ATP13A2: variants seen among roughly 807,000 people sequenced by gnomAD.
ATP13A2 encodes ATPase cation transporting 13A2.
In ATP13A2, 83 loss-of-function variants were observed where a neutral mutation model predicts 138.3. The ratio of observed to expected loss-of-function variants is 0.60; its 90% CI spans 0.50 to 0.72. The LOEUF (loss-of-function observed/expected upper bound fraction) is 0.72. ATP13A2 is among the 30% of genes least tolerant of loss of function. The probability of loss-of-function intolerance (pLI) is 0.00; values close to 1 mark genes in which losing one functional copy is unlikely to be tolerated. For synonymous variants in ATP13A2, 663 were observed against 699.0 expected, an observed-to-expected ratio of 0.95 and a Z score of 0.81; for missense variants, 1,402 against 1,606.4, an observed-to-expected ratio of 0.87 and a Z score of 2.17.
rs1227660193 is a variant in ATP13A2, at chr1:16,988,162, G to T, written c.2835C>A (p.Phe945Leu). 6.8e-6 allele frequency: 11 copies of T among 1,614,108 alleles called. No individual in the cohort carries two copies. The highest frequency in any genetic ancestry group is 1.1e-5 in the South Asian group (1 of 91,054). The change falls in exon 25 of 29, where the codon TTC (phenylalanine) becomes TTA (leucine). Residue 945 changes from phenylalanine to leucine, a missense_variant. Phe to Leu is a conservative substitution (Grantham distance 22, BLOSUM62 0). Transcript: ENST00000326735. Reference sequence around the variant, plus strand: ...CCGTGTAGAGGATCAGGACGGAGATGAACTGGGTCAGGCTGTACAGAGCCA... The same window carrying T: ...CCGTGTAGAGGATCAGGACGGAGATTAACTGGGTCAGGCTGTACAGAGCCA... ...KYMALYSLTQ[F>L]ISVLILYTIN...
Position 17,000,061 on chromosome 1 carries a change from T to A in ATP13A2, c.989A>T (p.Asp330Val). 6.2e-7 allele frequency: 1 copy of A among 1,613,132 alleles called. No individual in the cohort carries two copies. The highest frequency in any genetic ancestry group is 8.5e-7 in the Non-Finnish European group (1 of 1,179,782). ...GCACTCGCCGGCCACCAGGGCGGCA[T>A]CACAGGGCATCAGCCCACCCTCCTG... ...LPQEGGLMPC[D>V]AALVAGECMV... Residue 330 changes from aspartate to valine, a missense_variant, in exon 11 of 29, where the codon GAT becomes GTT. By Grantham distance (152) the Asp-to-Val change is radical. Transcript: ENST00000326735.
In ATP13A2 at chr1:16,986,712, C is replaced by T; in HGVS notation, c.3236-80G>A. The T allele has an allele frequency of 1.3e-6, 2 of 1,569,694 alleles. No homozygotes were observed. Among genetic ancestry groups the T allele is most frequent in the South Asian group, 1.1e-5 (1 of 87,476 alleles). ...CACACGTGTGCACGCCAGTCTTCCA[C>T]TCGGCCGGCACCTCTCTCCCATCTG... On this transcript the variant is annotated intron_variant, in intron 27 of 28. Coordinates refer to ENST00000326735, the MANE Select transcript of ATP13A2 (RefSeq NM_022089.4). This position sits in a 1 kb window ranked among gnomAD's most constrained non-coding sequence, Gnocchi z 6.9.
In ATP13A2 at chr1:17,004,398, C is replaced by A. The variant is rs776105309; in HGVS notation, c.491G>T (p.Arg164Leu). Residue 164 changes from arginine to leucine, a missense_variant, in exon 6 of 29, where the codon CGG becomes CTG. By Grantham distance (102) the Arg-to-Leu change is moderately radical (BLOSUM62 -2). Coordinates refer to ENST00000326735, the MANE Select transcript of ATP13A2 (RefSeq NM_022089.4). This position sits in a 1 kb window ranked among gnomAD's most constrained non-coding sequence, Gnocchi z 4.1. ...GCGCTGGCCCTGGAAGAGGTAATAC[C>A]GCAGCACCCGCTTCTGGGTGGGAGA... ...AVSVGQKRVL[R>L]YYLFQGQRYI... is the part of the protein sequence containing the mutation. The A allele has an allele frequency of 5.0e-6, 8 of 1,613,882 alleles. No individual in the cohort carries two copies. The highest frequency in any genetic ancestry group is 5.1e-6 in the Non-Finnish European group (6 of 1,180,010).
rs761490954 is a variant in ATP13A2 at position 16,992,291 on chromosome 1, C to T, written c.1957G>A (p.Val653Ile). ...WPGATQPEAYVKGSPELVAGL... is the reference protein window; with the variant it reads ...WPGATQPEAYIKGSPELVAGL... ...GCCACCAGCTCCGGGGAGCCTTTGA[C>T]GTAGGCCTCGGGCTGAGTGGCCCCT... Residue 653 changes from valine to isoleucine, a missense_variant, in exon 18 of 29, where the codon GTC becomes ATC. Transcript: ENST00000326735. The T allele has an allele frequency of 1.4e-5, 23 of 1,612,474 alleles. No individual in the cohort carries two copies. The highest frequency in any genetic ancestry group is 1.5e-5 in the Non-Finnish European group (18 of 1,179,870).
Position 16,992,310 on chromosome 1 carries a change from G to A in ATP13A2, c.1938C>T (p.Ala646=). The A allele has an allele frequency of 6.2e-7, 1 of 1,612,434 alleles. No homozygotes were observed. The highest frequency in any genetic ancestry group is 8.5e-7 in the Non-Finnish European group (1 of 1,179,760). ...CTTTGACGTAGGCCTCGGGCTGAGT[G>A]GCCCCTGGCCACGCCACCACCACAC... is the stretch of plus-strand genomic sequence containing the variant. ...RMSVVVAWPG[A]TQPEAYVKGS... is the part of the protein sequence containing the mutation. The change falls in exon 18 of 29, where the codon GCC becomes GCT. Residue 646 remains alanine (A), a synonymous_variant. Transcript: ENST00000326735.
Position 16,990,236 on chromosome 1 carries a change from G to A in ATP13A2, c.2303C>T (p.Ala768Val), listed in dbSNP as rs754083353. 1.9e-6 allele frequency: 3 copies of A among 1,613,882 alleles called. No homozygotes were observed. Among genetic ancestry groups the A allele is most frequent in the African/African-American group, 1.3e-5 (1 of 74,930 alleles). Residue 768 changes from alanine to valine, a missense_variant, in exon 21 of 29, where the codon GCC becomes GTC. Ala to Val is a moderately conservative substitution (Grantham distance 64). Coordinates refer to ENST00000326735, the MANE Select transcript of ATP13A2 (RefSeq NM_022089.4). ...GACGATGATCAGATGCTCCTGGGGGGCCACCATGCCACAGCCCCGGGCCAC... is the reference window on the plus strand; with the variant it reads ...GACGATGATCAGATGCTCCTGGGGGACCACCATGCCACAGCCCCGGGCCAC... ...VTVARGCGMVAPQEHLIIVHA... is the reference protein window; with the variant it reads ...VTVARGCGMVVPQEHLIIVHA...
At chr1:17,008,947 G>C (rs1459048941) in intron 1 of ATP13A2, among the ~76,000 whole-genome samples, 1 of 135,646 alleles carries the variant, frequency 7.4e-6, no homozygotes, top group Non-Finnish European at 1.5e-5. Flanking sequence ...CAGGGTGACA[G>C]AGCAAGACTC....
At position 16,990,284 on chromosome 1, in the gene ATP13A2, T is replaced by C; in HGVS notation, c.2255A>G (p.Asp752Gly). ...TRIRAVMVTGDNLQTAVTVAR... is the reference protein window; with the variant it reads ...TRIRAVMVTGGNLQTAVTVAR... ...CACAGTCACCGCTGTCTGCAGGTTG[T>C]CCCCTGGGGGTTATGGGGCAAGGTG... Residue 752 changes from aspartate to glycine, a missense_variant, in exon 21 of 29, where the codon GAC becomes GGC. Transcript: ENST00000326735. 6.2e-7 allele frequency: 1 copy of C among 1,613,898 alleles called. No homozygotes were observed. The highest frequency in any genetic ancestry group is 8.5e-7 in the Non-Finnish European group (1 of 1,180,004).
chr1:16,993,878 G>T, intron 15 of ATP13A2, 43 bp from the exon 16 acceptor site: 2 of 1,474,500 alleles, frequency 1.4e-6, no homozygotes, highest in South Asian at 1.3e-5. Flanking sequence ...GTCCTGGGAT[G>T]GGGGTACCCT....
In ATP13A2 at chr1:16,987,061, G is replaced by A. The variant is rs951420437; in HGVS notation, c.3068C>T (p.Thr1023Ile). 2 of 1,613,452 alleles carry A rather than the reference G, an allele frequency of 1.2e-6. No homozygotes were observed. The highest frequency in any genetic ancestry group is 1.7e-6 in the Non-Finnish European group (2 of 1,179,968). ...CCCTACTCACCATGGCTGGGCCAGG[G>A]TCAGGAAGTAGCCCCCTAGCTGCAC... ...TGVQLGGYFL[T>I]LAQPWFVPLN... Residue 1023 changes from threonine to isoleucine, a missense_variant, in exon 26 of 29, where the codon ACC (threonine) becomes ATC (isoleucine). Thr to Ile is a moderately conservative substitution (Grantham distance 89). Transcript: ENST00000326735.
chr1:17,011,775 C>A lies in ATP13A2; in HGVS notation c.-37G>T. 1.4e-6 allele frequency: 2 copies of A among 1,411,766 alleles called. No individual in the cohort carries two copies. The highest frequency in any genetic ancestry group is 1.8e-6 in the Non-Finnish European group (2 of 1,082,538). The allele number at this position is 1,411,766 out of a possible 1,614,324, so 87.5% of individuals were successfully genotyped here. On this transcript the variant is annotated 5_prime_UTR_variant, in exon 1 of 29. Coordinates refer to ENST00000326735, the MANE Select transcript of ATP13A2 (RefSeq NM_022089.4). This position sits in a 1 kb window ranked among gnomAD's most constrained non-coding sequence, Gnocchi z 7.3. ...GCGCTCATCGCCGGCCCCGGCGCTG[C>A]GGCCCTCGGCCTGGGCCCCGGCGTG... is the stretch of plus-strand genomic sequence containing the variant.
chr1:17,004,919 C>A lies in ATP13A2; in HGVS notation c.347+95G>T, dbSNP rs961062979. On this transcript the variant is annotated intron_variant, in intron 4 of 28. Transcript: ENST00000326735. The surrounding 1 kb of genome is among the most constrained non-coding windows in gnomAD (Gnocchi z 4.1). ...TCTTCCCTCCCTAGGATGGGAGGCG[C>A]CAGAGTCAGCCTTTATGGGGGGGCC... The A allele has an allele frequency of 6.2e-7, 1 of 1,611,422 alleles. No homozygotes were observed. The highest frequency in any genetic ancestry group is 8.5e-7 in the Non-Finnish European group (1 of 1,178,848).
At position 16,995,847 on chromosome 1, in the gene ATP13A2, G is replaced by A. The variant is rs994101618; in HGVS notation, c.1542+129C>T. 2.6e-6 allele frequency: 3 copies of A among 1,146,024 alleles called. No homozygotes were observed. In the East Asian group the frequency reaches 7.6e-5, roughly 29 times the overall value. 71.0% of individuals were successfully genotyped at this position (1,146,024 alleles called of 1,614,324 possible). ...GAGTGGGATGGGGTGGATCCTCTGG[G>A]GGTTTCCATCCCTAGACAGGACCTG... On this transcript the variant is annotated intron_variant, in intron 15 of 28. Transcript: ENST00000326735. The surrounding 1 kb of genome is among the most constrained non-coding windows in gnomAD (Gnocchi z 4.1).
At position 17,002,372 on chromosome 1, in the gene ATP13A2, G is replaced by A; in HGVS notation, c.559C>T (p.Leu187Phe). 1 of 1,612,836 alleles carries A rather than the reference G, an allele frequency of 6.2e-7. No homozygotes were observed. Among genetic ancestry groups the A allele is most frequent in the Non-Finnish European group, 8.5e-7 (1 of 1,179,724 alleles). ...ETQQAFYQVS[L>F]LDHGRSCDDV... ...TCACAAGAGCGGCCATGGTCCAGGA[G>A]GCTGGGGGTGGGTGCGAGGGGACAC... Residue 187 changes from leucine (L) to phenylalanine (F), a missense_variant and splice_region_variant, in exon 7 of 29, where the codon CTC (leucine) becomes TTC (phenylalanine). Coordinates refer to ENST00000326735, the MANE Select transcript of ATP13A2 (RefSeq NM_022089.4).
intron 6 of ATP13A2, among the ~76,000 whole-genome samples, chr1:17,003,375 T>C (rs944742735): frequency 7.9e-5 from 12 of 151,928 alleles, no homozygotes; most frequent in Non-Finnish European, 1.5e-4. Flanking sequence ...CTGGCCAACA[T>C]GGTGAAACCC....
chr1:17,009,270 GGGGTCAGGAAACAC>G (rs2077686151), intron 1 of ATP13A2, among the ~76,000 whole-genome samples: 1 of 152,118 alleles, frequency 6.6e-6, no homozygotes, highest in African/African-American at 2.4e-5. Flanking sequence ...CATGTGCTCA[GGGGTCAGGAAACAC>G]TGATTGACCG....
Position 16,986,568 on chromosome 1 carries a change from G to A in ATP13A2, c.3300C>T (p.Gly1100=). 1 of 1,612,164 alleles carries A rather than the reference G, an allele frequency of 6.2e-7. No homozygotes were observed. Among genetic ancestry groups the A allele is most frequent in the Non-Finnish European group, 8.5e-7 (1 of 1,179,794 alleles). The change falls in exon 28 of 29, where the codon GGC becomes GGT. Residue 1100 remains glycine, a synonymous_variant. Coordinates refer to ENST00000326735, the MANE Select transcript of ATP13A2 (RefSeq NM_022089.4). This position sits in a 1 kb window ranked among gnomAD's most constrained non-coding sequence, Gnocchi z 6.9. ...SVLVGLVLVP[G]LLQGPLALRN... The stretch of plus-strand genomic sequence containing the variant: ...TCAGCGCCAGCGGCCCCTGCAGGAG[G>A]CCGGGGACCAGGACAAGGCCCACCA...
At position 16,992,693 on chromosome 1, in the gene ATP13A2, G is replaced by A. The variant is rs2076979478; in HGVS notation, c.1750-112C>T. The A allele has an allele frequency of 1.4e-5, 16 of 1,151,874 alleles. No homozygotes were observed. The East Asian group carries it at 3.9e-4, about 28-fold the overall frequency. The allele number at this position is 1,151,874 out of a possible 1,614,324, so 71.4% of individuals were successfully genotyped here. A position where few individuals can be genotyped will look rare whatever the true frequency, so the allele number is the denominator to read the frequency against. The stretch of plus-strand genomic sequence containing the variant: ...GGAGACTGAATGGTGGGTTAAGAAT[G>A]TGGGCTTTGGAGCCCGGTGGACTCA... On this transcript the variant is annotated intron_variant, in intron 16 of 28. Transcript: ENST00000326735.
rs1305469212 is a variant in ATP13A2, at chr1:16,995,593, A to G, written c.1542+383T>C. On this transcript the variant is annotated intron_variant, in intron 15 of 28. Coordinates refer to ENST00000326735, the MANE Select transcript of ATP13A2 (RefSeq NM_022089.4). This position sits in a 1 kb window ranked among gnomAD's most constrained non-coding sequence, Gnocchi z 4.1. ...CTCCCGAGTAGCTGGGATTACAAGC[A>G]TGTGCCATCATGCCTGGCTAACTTT... The G allele has an allele frequency of 5.7e-6, 2 of 350,050 alleles. No homozygotes were observed. The highest frequency in any genetic ancestry group is 1.1e-5 in the Non-Finnish European group (2 of 177,944). The allele number at this position is 350,050 out of a possible 1,614,324, so 21.7% of individuals were successfully genotyped here.
Sources: allele counts gnomAD v4.1 joint callset (sites outside exome capture counted in the v4.1 genomes callset), GRCh38; gene constraint gnomAD v4.1.1; non-coding constraint Gnocchi (gnomAD v3.1); transcripts MANE v1.5; gene names NCBI Gene and HGNC (gene_info 2026-07-23, HGNC 2026-07-21).